The following H6PD variants were observed in gnomAD, a reference collection of about 807,000 sequenced individuals.
The protein encoded by H6PD is GDH/6PGL endoplasmic bifunctional protein.
A neutral mutation model predicts 61.2 loss-of-function variants in H6PD; 48 were observed. That is an observed-to-expected ratio of 0.78 (90% CI 0.62 to 1.00). The LOEUF (loss-of-function observed/expected upper bound fraction) is 1.00. H6PD is among the 50% of genes least tolerant of loss of function. The probability of loss-of-function intolerance (pLI) is 0.00; values close to 1 mark genes in which losing one functional copy is unlikely to be tolerated. For missense variants in H6PD, 1,093 were observed against 1,065.0 expected (o/e 1.03, Z -0.37); for synonymous variants, 480 against 457.9 (o/e 1.05, Z -0.62).
chr1:9,243,531 C>T (rs1641063707), intron 1 of H6PD, among the ~76,000 whole-genome samples: 2 of 152,194 alleles, frequency 1.3e-5, no homozygotes, highest in African/African-American at 2.4e-5. Flanking sequence ...GACTTTCCCC[C>T]TCACTTCCTT....
Position 9,247,044 on chromosome 1 carries a change from C to T in H6PD, c.706C>T (p.Arg236Trp), listed in dbSNP as rs113979044. 2.0e-4 allele frequency: 321 copies of T among 1,613,748 alleles called. No individual in the cohort carries two copies. Among genetic ancestry groups the T allele is most frequent in the Non-Finnish European group, 2.5e-4 (291 of 1,179,654 alleles). ...DGLWNRHHVE[R>W]VEIIMKETVD... is the part of the protein sequence containing the mutation. ...CCTCTGGAACCGGCACCATGTGGAG[C>T]GGGTGGAGATCATCATGAAAGAGAC... Residue 236 changes from arginine to tryptophan, a missense_variant, in exon 3 of 5, where the codon CGG becomes TGG. Physicochemically the swap from Arg to Trp is moderately radical, Grantham distance 101. Coordinates refer to ENST00000377403, the MANE Select transcript of H6PD (RefSeq NM_004285.4).
chr1:9,244,788 G>C, intron 1 of H6PD, 137 bp from the exon 2 acceptor site: 1 of 822,368 alleles, frequency 1.2e-6, no homozygotes, highest in Non-Finnish European at 2.0e-6. Flanking sequence ...GGAGGGACAA[G>C]CTGTGGGCTT....
In H6PD at chr1:9,234,792, G is replaced by A. The variant is rs1640802597; in HGVS notation, c.-285G>A. The stretch of plus-strand genomic sequence containing the variant: ...GGGCCCCAGTCTTGCTGAGCGCAAG[G>A]CGGTGGAGGCCTGAGGCCTGAGGCC... On this transcript the variant is annotated 5_prime_UTR_variant, in exon 1 of 5. Coordinates refer to ENST00000377403, the MANE Select transcript of H6PD (RefSeq NM_004285.4). 1 of 147,012 alleles carries A rather than the reference G, an allele frequency of 6.8e-6. No homozygotes were observed. The allele number at this position is 147,012 out of a possible 1,614,324, so 9.1% of individuals were successfully genotyped here.
chr1:9,244,083 C>T (rs141905939), intron 1 of H6PD, among the ~76,000 whole-genome samples: 64 of 152,154 alleles, frequency 4.2e-4, no homozygotes, highest in Non-Finnish European at 8.2e-4. Flanking sequence ...GTGGTTCTTT[C>T]AGGATTCTTG....
intron 3 of H6PD, among the ~76,000 whole-genome samples, chr1:9,249,859 G>A (rs539111642): frequency 1.6e-4 from 24 of 152,344 alleles, no homozygotes; most frequent in African/African-American, 5.3e-4. Context: ...CTGCTGCTGA[G>A]CCCAGCCCCC....
chr1:9,262,532 G>A (rs1183792172), intron 4 of H6PD, among the ~76,000 whole-genome samples: 3 of 152,232 alleles, frequency 2.0e-5, no homozygotes, highest in East Asian at 1.9e-4. Context: ...CCCTCAGGGC[G>A]AAGGACATCC....
rs765009850 is a variant in H6PD, at chr1:9,264,655, G to A, written c.2162G>A (p.Ser721Asn). The change falls in exon 5 of 5, where the codon AGC becomes AAC. Residue 721 changes from serine to asparagine, a missense_variant. Coordinates refer to ENST00000377403, the MANE Select transcript of H6PD (RefSeq NM_004285.4). ...GAGCAGCTGGTCGTGCTGACCACGAGCCCCTCCCAGCCACACCGCCGCATG... is the reference window on the plus strand; with the variant it reads ...GAGCAGCTGGTCGTGCTGACCACGAACCCCTCCCAGCCACACCGCCGCATG... Reference protein sequence around the residue: ...DGEQLVVLTTSPSQPHRRMSL... With the variant: ...DGEQLVVLTTNPSQPHRRMSL... The A allele has an allele frequency of 6.2e-7, 1 of 1,612,646 alleles. No individual in the cohort carries two copies. Among genetic ancestry groups the A allele is most frequent in the African/African-American group, 1.3e-5 (1 of 74,924 alleles).
intron 3 of H6PD, among the ~76,000 whole-genome samples, chr1:9,260,193 T>G (rs985065373): frequency 3.3e-5 from 5 of 151,886 alleles, no homozygotes; most frequent in Admixed American, 1.3e-4. Flanking sequence ...TATGCTGGTG[T>G]TGTTACATTG....
At position 9,270,540 on chromosome 1, in the gene H6PD, G is replaced by C. The variant is rs992484430; in HGVS notation, c.*5671G>C. 4.6e-5 allele frequency: 7 copies of C among 152,266 alleles called. No individual in the cohort carries two copies. Among genetic ancestry groups the C allele is most frequent in the Non-Finnish European group, 1.0e-4 (7 of 68,060 alleles). The allele number at this position is 152,266 out of a possible 1,614,324, so 9.4% of individuals were successfully genotyped here. A position where few individuals can be genotyped will look rare whatever the true frequency, so the allele number is the denominator to read the frequency against. On this transcript the variant is annotated 3_prime_UTR_variant, in exon 5 of 5. Coordinates refer to ENST00000377403, the MANE Select transcript of H6PD (RefSeq NM_004285.4). ...CTGCCCCTCCTAGTTCTGTCCACCGGGAAGAGCCGGCTGGCGGCAGATCCC... is the reference window on the plus strand; with the variant it reads ...CTGCCCCTCCTAGTTCTGTCCACCGCGAAGAGCCGGCTGGCGGCAGATCCC...
In H6PD at chr1:9,267,909, CCT is replaced by C. The variant is rs1178951093; in HGVS notation, c.*3043_*3044del. The C allele has an allele frequency of 2.0e-5, 3 of 152,276 alleles. No individual in the cohort carries two copies. The East Asian group carries it at 5.8e-4, about 29-fold the overall frequency. The allele number at this position is 152,276 out of a possible 1,614,324, so 9.4% of individuals were successfully genotyped here. A position where few individuals can be genotyped will look rare whatever the true frequency, so the allele number is the denominator to read the frequency against. Reference sequence around the variant, plus strand: ...TTCTTAACCTTAGAACCTCGGATATCCTCTATGTTTTAGTTTTCATTTTTTTA... The same window carrying C: ...TTCTTAACCTTAGAACCTCGGATATCCTATGTTTTAGTTTTCATTTTTTTA... On this transcript the variant is annotated 3_prime_UTR_variant, in exon 5 of 5. Coordinates refer to ENST00000377403, the MANE Select transcript of H6PD (RefSeq NM_004285.4).
chr1:9,245,571 A>G lies in H6PD; in HGVS notation c.627+10A>G. On this transcript the variant is annotated intron_variant, in intron 2 of 4. Transcript: ENST00000377403. This position sits in a 1 kb window ranked among gnomAD's most constrained non-coding sequence, Gnocchi z 4.8. ...TTACTTAGGCAAGCAGGTGAGCATCAGCATGGAGCCTGCCAGGGCTAGGGT... is the reference window on the plus strand; with the variant it reads ...TTACTTAGGCAAGCAGGTGAGCATCGGCATGGAGCCTGCCAGGGCTAGGGT... 1 of 1,613,872 alleles carries G rather than the reference A, an allele frequency of 6.2e-7. No individual in the cohort carries two copies. The highest frequency in any genetic ancestry group is 8.5e-7 in the Non-Finnish European group (1 of 1,179,784).
rs1638626596 is a variant in H6PD, at chr1:9,268,073, T to C, written c.*3204T>C. On this transcript the variant is annotated 3_prime_UTR_variant, in exon 5 of 5. Coordinates refer to ENST00000377403, the MANE Select transcript of H6PD (RefSeq NM_004285.4). ...GCCTGGGCAACATAGTGAGACCCCATCTCTACAAAAAGTTTTAAAACCAGG... is the reference window on the plus strand; with the variant it reads ...GCCTGGGCAACATAGTGAGACCCCACCTCTACAAAAAGTTTTAAAACCAGG... 1.3e-5 allele frequency: 2 copies of C among 151,928 alleles called. No homozygotes were observed. The highest frequency in any genetic ancestry group is 4.2e-4 in the South Asian group (2 of 4,812). The allele number at this position is 151,928 out of a possible 1,614,324, so 9.4% of individuals were successfully genotyped here.
chr1:9,247,579 C>T (rs1257361950), intron 3 of H6PD, among the ~76,000 whole-genome samples: 1 of 152,156 alleles, frequency 6.6e-6, no homozygotes, highest in Non-Finnish European at 1.5e-5. Flanking sequence ...CACGGCGCCA[C>T]ACACCTCCCT....
chr1:9,249,476 G>A (rs1405894150), intron 3 of H6PD, among the ~76,000 whole-genome samples: 3 of 152,186 alleles, frequency 2.0e-5, no homozygotes, highest in African/African-American at 7.2e-5. Context: ...CCAGGAGGGA[G>A]AGGCACCTGG....
intron 1 of H6PD, among the ~76,000 whole-genome samples, chr1:9,240,602 C>G (rs916744779): frequency 2.0e-5 from 3 of 152,172 alleles, no homozygotes; most frequent in Non-Finnish European, 4.4e-5. Flanking sequence ...ACCACACATT[C>G]GGGTTCCCAG....
At chr1:9,240,498 C>G (rs1355269799) in intron 1 of H6PD, among the ~76,000 whole-genome samples, 3 of 152,176 alleles carry the variant, frequency 2.0e-5, no homozygotes, top group Non-Finnish European at 2.9e-5. Flanking sequence ...ATCTCACCCT[C>G]CCATTTCCTC....
rs11121350 is a variant in H6PD, at chr1:9,247,079, T to C, written c.741T>C (p.Ala247=). The C allele has an allele frequency of 0.24, 390,231 of 1,595,002 alleles. 49,707 individuals are homozygous for C. Among genetic ancestry groups the C allele is most frequent in the East Asian group, 0.43 (19,111 of 44,706 alleles). The part of the protein sequence containing the change: ...VEIIMKETVD[A]EGRTSFYEEY... ...TCATCATGAAAGAGACCGTGGATGC[T>C]GAAGGTGTGTGAGTGGCCCTGCGCA... The change falls in exon 3 of 5, where the codon GCT becomes GCC. Residue 247 remains alanine, a synonymous_variant. Coordinates refer to ENST00000377403, the MANE Select transcript of H6PD (RefSeq NM_004285.4).
At position 9,245,074 on chromosome 1, in the gene H6PD, TC is replaced by T; in HGVS notation, c.142del (p.Gln48SerfsTer20). 1.9e-6 allele frequency: 3 copies of T among 1,614,216 alleles called. No individual in the cohort carries two copies. Among genetic ancestry groups the T allele is most frequent in the Non-Finnish European group, 2.5e-6 (3 of 1,180,038 alleles). On this transcript the variant is annotated frameshift_variant, in exon 2 of 5. Coordinates refer to ENST00000377403, the MANE Select transcript of H6PD (RefSeq NM_004285.4). LOFTEE classifies it high-confidence loss of function. This position sits in a 1 kb window ranked among gnomAD's most constrained non-coding sequence, Gnocchi z 4.8. ...AAGAAGTACTTATGGCAGGGACTGT[TC>T]CAGCTGTACCTGGATGAAGCGGGGA... ...LAKKYLWQGL[F>X]QLYLDEAGRG...
intron 1 of H6PD, among the ~76,000 whole-genome samples, chr1:9,241,045 C>T (rs991100431): frequency 4.6e-5 from 7 of 152,070 alleles, no homozygotes; most frequent in African/African-American, 1.7e-4. Context: ...CCAGACTAGT[C>T]GGGAGTGTTG....
Sources: allele counts gnomAD v4.1 joint callset (sites outside exome capture counted in the v4.1 genomes callset), GRCh38; gene constraint gnomAD v4.1.1; non-coding constraint Gnocchi (gnomAD v3.1); transcripts MANE v1.5; gene names NCBI Gene and HGNC (gene_info 2026-07-23, HGNC 2026-07-21).